Variants in OPHN1 observed in about 807,000 individuals in gnomAD.
The protein encoded by OPHN1 is oligophrenin-1.
In OPHN1, 11 loss-of-function variants were observed where a neutral mutation model predicts 60.7. The ratio of observed to expected loss-of-function variants is 0.18; its 90% CI spans 0.11 to 0.30. The LOEUF is 0.30. OPHN1 is among the 10% of genes least tolerant of loss of function. The pLI is 1.00. For missense variants in OPHN1, 449 were observed against 611.0 expected (o/e 0.73, Z 2.80); for synonymous variants, 226 against 222.6 (o/e 1.02, Z -0.14).
chrX:68,337,905 G>A (rs2078332521), intron 2 of OPHN1, among the ~76,000 whole-genome samples: 1 of 110,286 alleles, frequency 9.1e-6, no homozygotes, highest in Admixed American at 9.8e-5. Context: ...CATAACATCA[G>A]AGCATCAGAG....
At chrX:68,287,006 A>AAG (rs1036918972) in intron 3 of OPHN1, among the ~76,000 whole-genome samples, 1 of 105,317 alleles carries the variant, frequency 9.5e-6, no homozygotes, top group South Asian at 4.4e-4. Flanking sequence ...GAGAGAGAGA[A>AAG]AGAGAGAGAG....
intron 2 of OPHN1, among the ~76,000 whole-genome samples, chrX:68,338,722 A>G (rs2078335854): frequency 9.0e-6 from 1 of 111,712 alleles, no homozygotes; most frequent in South Asian, 3.7e-4. Flanking sequence ...AGAAATATAT[A>G]AAAAGGACTC....
intron 2 of OPHN1, among the ~76,000 whole-genome samples, chrX:68,335,732 C>G (rs1482821784): frequency 9.0e-6 from 1 of 111,067 alleles, no homozygotes; most frequent in African/African-American, 3.3e-5. Context: ...AGTTAGAGAC[C>G]AGCCTGGCAA....
At position 68,423,264 on chromosome X, in the gene OPHN1, A is replaced by G. The variant is rs1205525696; in HGVS notation, c.154+9603T>C. On this transcript the variant is annotated intron_variant, in intron 2 of 24. Coordinates refer to ENST00000355520, the MANE Select transcript of OPHN1 (RefSeq NM_002547.3). The stretch of plus-strand genomic sequence containing the variant: ...ATGGTCTCTATCTCCTGACCTCGTG[A>G]TCTGCCCGCCTCGGCCTCCCAAAGT... Among the ~76,000 whole-genome samples, 3 of 111,071 alleles carry G rather than the reference A, an allele frequency of 2.7e-5. No homozygotes were observed. In the Admixed American group the frequency reaches 2.9e-4, roughly 11 times the overall value.
rs1344666890 is a variant in OPHN1, at chrX:68,163,195, T to C, written c.1276+29724A>G. 3.6e-5 allele frequency among the ~76,000 whole-genome samples: 4 copies of C among 111,790 alleles called. No homozygotes were observed. In the Admixed American group the frequency reaches 3.8e-4, roughly 11 times the overall value. ...AACTGAAGAAAAATAAAAATGGTTC[T>C]TAAAATGCACAGTTAGAAATATCTT... is the stretch of plus-strand genomic sequence containing the variant. On this transcript the variant is annotated intron_variant, in intron 15 of 24. Coordinates refer to ENST00000355520, the MANE Select transcript of OPHN1 (RefSeq NM_002547.3).
At chrX:68,106,448 A>C (rs956650899) in intron 18 of OPHN1, among the ~76,000 whole-genome samples, 2 of 111,351 alleles carry the variant, frequency 1.8e-5, no homozygotes, top group African/African-American at 6.5e-5. Context: ...CTGAAAGGAC[A>C]GAGAGCTGGG....
intron 5 of OPHN1, among the ~76,000 whole-genome samples, chrX:68,259,450 C>CA (rs777659078): frequency 1.1e-4 from 12 of 107,893 alleles, no homozygotes; most frequent in African/African-American, 3.7e-4. Flanking sequence ...AGCCTTGTCT[C>CA]AAAAAAAAGA....
At chrX:68,319,009 T>C (rs1040785375) in intron 2 of OPHN1, among the ~76,000 whole-genome samples, 55 of 111,787 alleles carry the variant, frequency 4.9e-4, no homozygotes, top group African/African-American at 1.7e-3. Flanking sequence ...TTTATCACTA[T>C]TGATGTTGAC....
chrX:68,400,607 T>TTC (rs1314078590), intron 2 of OPHN1, among the ~76,000 whole-genome samples: 2 of 107,852 alleles, frequency 1.9e-5, no homozygotes, highest in Non-Finnish European at 3.8e-5. Context: ...TTTTTCTTTT[T>TTC]TCTTTTTTTT....
At chrX:68,102,748 C>A (rs2077064897) in intron 18 of OPHN1, among the ~76,000 whole-genome samples, 2 of 111,662 alleles carry the variant, frequency 1.8e-5, no homozygotes, top group African/African-American at 6.5e-5. Flanking sequence ...CTATAAATAC[C>A]TCTACACAAA....
At chrX:68,319,597 G>A (rs902604144) in intron 2 of OPHN1, among the ~76,000 whole-genome samples, 2 of 110,188 alleles carry the variant, frequency 1.8e-5, no homozygotes, top group Non-Finnish European at 3.8e-5. Context: ...TTGGCTGAGT[G>A]TGGTGGCGCT....
intron 24 of OPHN1, among the ~76,000 whole-genome samples, chrX:68,047,768 C>A (rs1321428119): frequency 8.9e-6 from 1 of 112,190 alleles, no homozygotes. Flanking sequence ...TCACTTATCC[C>A]CTCTGAACTT....
chrX:68,149,635 T>C (rs2077277106), intron 15 of OPHN1, among the ~76,000 whole-genome samples: 1 of 110,800 alleles, frequency 9.0e-6, no homozygotes, highest in Non-Finnish European at 1.9e-5. Context: ...ATCAAAACAC[T>C]AGAAAATTAG....
chrX:68,125,954 T>TATATATATATATATATATACATAC (rs1262640434), intron 15 of OPHN1, among the ~76,000 whole-genome samples: 1 of 55,824 alleles, frequency 1.8e-5, no homozygotes, highest in Non-Finnish European at 3.5e-5. Flanking sequence ...TATATATATA[T>TATATATATATATATATATACATAC]ATACATACAC....
At chrX:68,402,978 A>AAAG (rs2078723081) in intron 2 of OPHN1, among the ~76,000 whole-genome samples, 1 of 112,132 alleles carries the variant, frequency 8.9e-6, no homozygotes, top group Non-Finnish European at 1.9e-5. Context: ...TATCTGAAGT[A>AAAG]AAGACTGAAC....
chrX:68,234,691 T>G, intron 5 of OPHN1, 103 bp from the exon 6 acceptor site: 2 of 622,683 alleles, frequency 3.2e-6, no homozygotes, highest in South Asian at 4.9e-5. Flanking sequence ...AGGTGGTCAA[T>G]CCCTCTAGCT....
At position 68,234,647 on chromosome X, in the gene OPHN1, A is replaced by T. The variant is rs544049270; in HGVS notation, c.385-59T>A. 1.6e-5 allele frequency: 14 copies of T among 899,231 alleles called. No individual in the cohort carries two copies. In the African/African-American group the frequency reaches 2.5e-4, roughly 16 times the overall value. 74.1% of individuals were successfully genotyped at this position (899,231 alleles called of 1,213,427 possible). A position where few individuals can be genotyped will look rare whatever the true frequency, so the allele number is the denominator to read the frequency against. ...TCTGTAGTTGTAACTCTGTCTGCTT[A>T]GAAAGGAGAATGAAGGAGATAGTGT... On this transcript the variant is annotated intron_variant, in intron 5 of 24. Coordinates refer to ENST00000355520, the MANE Select transcript of OPHN1 (RefSeq NM_002547.3).
At chrX:68,116,541 T>A (rs2147438242) in intron 16 of OPHN1, among the ~76,000 whole-genome samples, 1 of 111,374 alleles carries the variant, frequency 9.0e-6, no homozygotes, top group Non-Finnish European at 1.9e-5. Flanking sequence ...TAGGCAATCT[T>A]GTTTAAGTTC....
At chrX:68,312,486 A>G (rs1441684900) in intron 2 of OPHN1, among the ~76,000 whole-genome samples, 2 of 110,317 alleles carry the variant, frequency 1.8e-5, no homozygotes, top group Non-Finnish European at 3.8e-5. Context: ...CCAAAAACAC[A>G]ACATAATTTT....
Sources: gnomAD v4.1 joint callset for allele counts (sites outside exome capture counted in the v4.1 genomes callset) on GRCh38, gnomAD v4.1.1 for gene constraint, MANE v1.5 for transcripts, NCBI Gene and HGNC (gene_info 2026-07-23, HGNC 2026-07-21) for gene names.